The following KCNIP3 variants were observed in gnomAD, a reference collection of about 807,000 sequenced individuals.
KCNIP3 encodes the protein calsenilin.
KCNIP3 carries 28 observed loss-of-function variants against 35.0 expected under a neutral mutation model. The ratio of observed to expected loss-of-function variants is 0.80; its 90% CI spans 0.59 to 1.10. The LOEUF (loss-of-function observed/expected upper bound fraction) is 1.10, where lower values mean the gene tolerates loss of function less well. Among genes scored for constraint, KCNIP3 ranks in the 50% least tolerant of loss-of-function variants. The pLI, the probability that KCNIP3 is intolerant of heterozygous loss-of-function variation, is 0.00. For synonymous variants in KCNIP3, 134 were observed against 133.8 expected (o/e 1.00, Z -0.01); for missense variants, 295 against 338.4 (o/e 0.87, Z 1.01).
Position 95,386,071 on chromosome 2 carries a change from C to T in KCNIP3, c.*2022C>T, listed in dbSNP as rs1680495577. ...GTATATTTTAATAAAATAAACTTGA[C>T]AAAGGAGAGGGATTCCTGTTGGCTT... On this transcript the variant is annotated 3_prime_UTR_variant, in exon 9 of 9. Transcript: ENST00000295225. 1 of 152,308 alleles carries T rather than the reference C, an allele frequency of 6.6e-6. No homozygotes were observed. Among genetic ancestry groups the T allele is most frequent in the South Asian group, 2.1e-4 (1 of 4,836 alleles). 9.4% of individuals were successfully genotyped at this position (152,308 alleles called of 1,614,324 possible). A position where few individuals can be genotyped will look rare whatever the true frequency, so the allele number is the denominator to read the frequency against.
chr2:95,322,292 G>A (rs1678615021), intron 2 of KCNIP3, among the ~76,000 whole-genome samples: 1 of 152,154 alleles, frequency 6.6e-6, no homozygotes, highest in Non-Finnish European at 1.5e-5. Flanking sequence ...AACCCGGGAG[G>A]TCAAGGCTGC....
intron 1 of KCNIP3, among the ~76,000 whole-genome samples, chr2:95,305,677 C>A (rs1678148726): frequency 6.6e-6 from 1 of 152,228 alleles, no homozygotes; most frequent in Non-Finnish European, 1.5e-5. Flanking sequence ...TCCTTAACCC[C>A]TGGCCCTCTA....
intron 2 of KCNIP3, among the ~76,000 whole-genome samples, chr2:95,325,658 TAC>T (rs1317615835): frequency 7.0e-6 from 1 of 143,408 alleles, no homozygotes; most frequent in Admixed American, 7.6e-5. Context: ...CACAAATAGA[TAC>T]ACACTCATAC....
At chr2:95,305,620 C>T (rs936015146) in intron 1 of KCNIP3, among the ~76,000 whole-genome samples, 5 of 152,286 alleles carry the variant, frequency 3.3e-5, no homozygotes, top group Non-Finnish European at 5.9e-5. Context: ...CCCCTCCTGC[C>T]GCCCTGTGAG....
intron 2 of KCNIP3, among the ~76,000 whole-genome samples, chr2:95,325,604 CAT>C (rs969450567): frequency 2.7e-4 from 41 of 151,920 alleles, no homozygotes; most frequent in African/African-American, 9.4e-4. Context: ...CTCACACACT[CAT>C]ACACACGTAC....
At chr2:95,329,382 T>C (rs1182226220) in intron 2 of KCNIP3, among the ~76,000 whole-genome samples, 1 of 152,174 alleles carries the variant, frequency 6.6e-6, no homozygotes, top group Non-Finnish European at 1.5e-5. Flanking sequence ...GCCCTCCACC[T>C]CTGGACCACC....
chr2:95,383,885 AAGAC>A (rs913344420), intron 8 of KCNIP3, 113 bp from the exon 9 acceptor site: 30 of 886,448 alleles, frequency 3.4e-5, no homozygotes, highest in African/African-American at 1.3e-4. Flanking sequence ...TGCACCCAAT[AAGAC>A]AGACAGACAG....
chr2:95,350,595 G>A (rs772089614), intron 2 of KCNIP3, among the ~76,000 whole-genome samples: 1 of 152,154 alleles, frequency 6.6e-6, no homozygotes, highest in Non-Finnish European at 1.5e-5. Flanking sequence ...CAGGGGGCCC[G>A]GAGCAGCAGG....
intron 2 of KCNIP3, among the ~76,000 whole-genome samples, chr2:95,343,241 G>A (rs1276009527): frequency 6.6e-6 from 1 of 152,142 alleles, no homozygotes; most frequent in African/African-American, 2.4e-5. Context: ...GCTGAGATGG[G>A]GAGACTTGGG....
chr2:95,370,746 A>G lies in KCNIP3; in HGVS notation c.182-3550A>G, dbSNP rs549206685. The stretch of plus-strand genomic sequence containing the variant: ...TATTATAAGGTTTGTGGCTATGCTT[A>G]TATTTGTCATTGATTTTTTTTTCTT... On this transcript the variant is annotated intron_variant, in intron 2 of 8. Coordinates refer to ENST00000295225, the MANE Select transcript of KCNIP3 (RefSeq NM_013434.5). Among the ~76,000 whole-genome samples the G allele has an allele frequency of 3.2e-4, 49 of 152,000 alleles. No individual in the cohort carries two copies. In the South Asian group the frequency reaches 8.1e-3, roughly 25 times the overall value.
intron 2 of KCNIP3, among the ~76,000 whole-genome samples, chr2:95,334,636 C>G (rs1679013320): frequency 6.6e-6 from 1 of 152,208 alleles, no homozygotes; most frequent in African/African-American, 2.4e-5. Flanking sequence ...TCCTGCCATG[C>G]TGGGACTGGT....
chr2:95,336,637 C>T (rs183358871), intron 2 of KCNIP3, among the ~76,000 whole-genome samples: 4 of 151,998 alleles, frequency 2.6e-5, no homozygotes, highest in Admixed American at 6.6e-5. Flanking sequence ...TTATACAGGC[C>T]CTGGATTTAC....
intron 6 of KCNIP3, 126 bp downstream of exon 6, chr2:95,381,829 G>A (rs1027109260): frequency 2.0e-5 from 14 of 703,902 alleles, no homozygotes; most frequent in Non-Finnish European, 2.7e-5. Context: ...CCAGAGACTG[G>A]CCCCAGGGAC....
intron 6 of KCNIP3, 64 bp downstream of exon 6, chr2:95,381,767 C>T (rs1008911876): frequency 8.3e-6 from 9 of 1,088,378 alleles, no homozygotes; most frequent in African/African-American, 3.1e-5. Context: ...CCCCTCCCGC[C>T]GCTCTTCCTC....
In KCNIP3 at chr2:95,366,800, T is replaced by A. The variant is rs562658892; in HGVS notation, c.182-7496T>A. Among the ~76,000 whole-genome samples, 6 of 152,338 alleles carry A rather than the reference T, an allele frequency of 3.9e-5. No homozygotes were observed. The South Asian group carries it at 8.3e-4, about 21-fold the overall frequency. ...GGAAAATGATGCTAATCCTCTTTCT[T>A]GTGCTTATTTTATCAGCGTTTTATC... On this transcript the variant is annotated intron_variant, in intron 2 of 8. Coordinates refer to ENST00000295225, the MANE Select transcript of KCNIP3 (RefSeq NM_013434.5).
chr2:95,307,045 G>T (rs879753141), intron 1 of KCNIP3, among the ~76,000 whole-genome samples: 12 of 152,188 alleles, frequency 7.9e-5, no homozygotes, highest in Non-Finnish European at 1.8e-4. Flanking sequence ...CTGCCCTCCT[G>T]TCCCTGGCCC....
At chr2:95,372,531 G>A (rs938003119) in intron 2 of KCNIP3, among the ~76,000 whole-genome samples, 2 of 152,226 alleles carry the variant, frequency 1.3e-5, no homozygotes, top group Non-Finnish European at 2.9e-5. Context: ...AGGGGAAAAG[G>A]TGATGAGGAA....
At chr2:95,302,348 A>G (rs1678058991) in intron 1 of KCNIP3, among the ~76,000 whole-genome samples, 1 of 152,250 alleles carries the variant, frequency 6.6e-6, no homozygotes, top group Non-Finnish European at 1.5e-5. Context: ...AGACACTCTA[A>G]ACAAATTCCC....
intron 2 of KCNIP3, among the ~76,000 whole-genome samples, chr2:95,337,874 A>C (rs1427237484): frequency 1.3e-5 from 2 of 152,194 alleles, no homozygotes; most frequent in Non-Finnish European, 2.9e-5. Context: ...GGGTCAGAAT[A>C]GAAAGGCGGG....
Sources: allele counts gnomAD v4.1 joint callset (sites outside exome capture counted in the v4.1 genomes callset), GRCh38; gene constraint gnomAD v4.1.1; transcripts MANE v1.5; gene names NCBI Gene and HGNC (gene_info 2026-07-23, HGNC 2026-07-21).